The following CTNNA2 variants were observed in gnomAD, a reference collection of about 807,000 sequenced individuals.
The protein encoded by CTNNA2 is catenin alpha-2.
CTNNA2 carries 42 observed loss-of-function variants against 101.0 expected under a neutral mutation model. The observed-to-expected ratio is 0.42, with a 90% CI of 0.32 to 0.54. CTNNA2 has a LOEUF of 0.54. Ranked by LOEUF, CTNNA2 falls within the 20% of genes least tolerant of loss-of-function variation. CTNNA2 has a pLI of 0.14. For synonymous variants in CTNNA2, 450 were observed against 456.4 expected (o/e 0.99, Z 0.18); for missense variants, 871 against 1,223.1 (o/e 0.71, Z 4.29).
chr2:79,931,485 G>T (rs1452548181), intron 7 of CTNNA2, among the ~76,000 whole-genome samples: 1 of 151,910 alleles, frequency 6.6e-6, no homozygotes, highest in African/African-American at 2.4e-5. Context: ...TAATTGATTT[G>T]TACCCATGGT....
exon 2 of CTNNA2, chr2:79,198,003 A>C (rs1035382288): frequency 6.6e-6 from 1 of 152,174 alleles, no homozygotes; most frequent in Non-Finnish European, 1.5e-5. Context: ...CAGTCTCTTG[A>C]CCTCGTGATC....
intron 3 of CTNNA2, among the ~76,000 whole-genome samples, chr2:79,327,339 C>T (rs1573081510): frequency 6.6e-6 from 1 of 152,238 alleles, no homozygotes; most frequent in African/African-American, 2.4e-5. Flanking sequence ...GGAATTAAAT[C>T]AGTTGCCATA....
intron 9 of CTNNA2, among the ~76,000 whole-genome samples, chr2:80,490,827 T>C (rs1302814444): frequency 6.6e-6 from 1 of 152,214 alleles, no homozygotes; most frequent in Non-Finnish European, 1.5e-5. Context: ...CTTTGTGTTA[T>C]GCCCTCTCCC....
chr2:80,289,284 T>A (rs1335571163), intron 7 of CTNNA2: 1 of 152,124 alleles, frequency 6.6e-6, no homozygotes, highest in African/African-American at 2.4e-5. Context: ...GGCTAAGGGA[T>A]CTTTGTAACT....
intron 8 of CTNNA2, among the ~76,000 whole-genome samples, chr2:80,400,255 A>G (rs1173894039): frequency 6.6e-6 from 1 of 152,072 alleles, no homozygotes; most frequent in Non-Finnish European, 1.5e-5. Flanking sequence ...CCCAGGGGAA[A>G]TTTCCATCAG....
intron 7 of CTNNA2, among the ~76,000 whole-genome samples, chr2:80,179,435 A>T (rs528967643): frequency 6.6e-6 from 1 of 151,946 alleles, no homozygotes; most frequent in Non-Finnish European, 1.5e-5. Flanking sequence ...GTGCAGTGGC[A>T]TGATCTCAGC....
At chr2:80,216,775 A>G (rs1332290702) in intron 7 of CTNNA2, among the ~76,000 whole-genome samples, 2 of 152,174 alleles carry the variant, frequency 1.3e-5, no homozygotes, top group Admixed American at 1.3e-4. Flanking sequence ...AATAATAAAG[A>G]AAATATTCAC....
intron 4 of CTNNA2, among the ~76,000 whole-genome samples, chr2:79,462,664 T>A (rs1313308023): frequency 1.3e-5 from 2 of 152,294 alleles, no homozygotes; most frequent in East Asian, 1.9e-4. Flanking sequence ...GATAGATAAT[T>A]ATTAAATATG....
At chr2:79,289,828 G>C (rs1409283753) in intron 2 of CTNNA2, among the ~76,000 whole-genome samples, 1 of 152,220 alleles carries the variant, frequency 6.6e-6, no homozygotes, top group African/African-American at 2.4e-5. Flanking sequence ...AAGGGTGACA[G>C]TATGACATTA....
At chr2:80,629,577 A>G (rs894550371) in intron 18 of CTNNA2, among the ~76,000 whole-genome samples, 1 of 152,190 alleles carries the variant, frequency 6.6e-6, no homozygotes, top group Non-Finnish European at 1.5e-5. Context: ...CCTATAGGCT[A>G]TAGTGAGAAT....
intron 2 of CTNNA2, among the ~76,000 whole-genome samples, chr2:79,680,319 T>C (rs569633034): frequency 3.2e-4 from 49 of 152,212 alleles, no homozygotes; most frequent in African/African-American, 1.1e-3. Flanking sequence ...TATTTTTAGT[T>C]TGAGTCCAGT....
intron 1 of CTNNA2, among the ~76,000 whole-genome samples, chr2:79,521,355 A>G (rs1672113591): frequency 1.3e-5 from 2 of 151,622 alleles, no homozygotes; most frequent in Non-Finnish European, 2.9e-5. Flanking sequence ...TGCTATGATC[A>G]CTTCTTTAGT....
At chr2:80,519,007 T>C (rs1689313991) in intron 9 of CTNNA2, among the ~76,000 whole-genome samples, 1 of 152,118 alleles carries the variant, frequency 6.6e-6, no homozygotes, top group South Asian at 2.1e-4. Flanking sequence ...CTGGCATTGC[T>C]TAGAAGAAGG....
intron 4 of CTNNA2, among the ~76,000 whole-genome samples, chr2:79,392,916 G>T (rs2104473550): frequency 6.6e-6 from 1 of 152,284 alleles, no homozygotes; most frequent in South Asian, 2.1e-4. Flanking sequence ...GGAATCTCCA[G>T]TTAGCTGAAA....
chr2:79,858,850 C>G (rs1409509145), intron 4 of CTNNA2, among the ~76,000 whole-genome samples: 2 of 151,842 alleles, frequency 1.3e-5, no homozygotes, highest in African/African-American at 4.8e-5. Flanking sequence ...CTTTTGTTTC[C>G]TAATAGAGGT....
chr2:79,335,768 G>A (rs1420833289), intron 3 of CTNNA2, among the ~76,000 whole-genome samples: 1 of 152,134 alleles, frequency 6.6e-6, no homozygotes, highest in East Asian at 1.9e-4. Context: ...TTATTTTTAG[G>A]AAAGAACAGC....
chr2:79,220,391 A>G (rs1409596905), intron 2 of CTNNA2, among the ~76,000 whole-genome samples: 1 of 152,160 alleles, frequency 6.6e-6, no homozygotes, highest in Non-Finnish European at 1.5e-5. Flanking sequence ...TGGTGCAGGA[A>G]TGATAGAAAT....
At chr2:79,405,979 G>A (rs1394869419) in intron 4 of CTNNA2, among the ~76,000 whole-genome samples, 2 of 151,998 alleles carry the variant, frequency 1.3e-5, no homozygotes, top group Non-Finnish European at 2.9e-5. Context: ...GAAAGAGGAG[G>A]CATACTCAAC....
intron 18 of CTNNA2, among the ~76,000 whole-genome samples, chr2:80,637,732 A>C (rs140054710): frequency 1.3e-5 from 2 of 152,210 alleles, no homozygotes; most frequent in East Asian, 3.9e-4. Flanking sequence ...CATAGCTCCT[A>C]GGGCTTAGAT....
Sources: gnomAD v4.1 joint callset for allele counts (sites outside exome capture counted in the v4.1 genomes callset) on GRCh38, gnomAD v4.1.1 for gene constraint, MANE v1.5 for transcripts, NCBI Gene and HGNC (gene_info 2026-07-23, HGNC 2026-07-21) for gene names.